The following RBX1 variants were observed in gnomAD, a reference collection of about 807,000 sequenced individuals.
RBX1 encodes ring-box 1.
For synonymous variants in RBX1, 48 were observed against 47.9 expected (o/e 1.00, Z -0.01); for missense variants, 46 against 141.4 (o/e 0.33, Z 3.42).
chr22:40,959,855 G>C (rs757349084), intron 2 of RBX1, among the ~76,000 whole-genome samples: 8 of 152,090 alleles, frequency 5.3e-5, no homozygotes, highest in Non-Finnish European at 1.0e-4. Context: ...AGTGGCTCAC[G>C]CCTGTAATCT....
intron 4 of RBX1, among the ~76,000 whole-genome samples, chr22:40,971,608 T>C (rs1389430595): frequency 2.6e-5 from 4 of 152,154 alleles, no homozygotes; most frequent in Non-Finnish European, 5.9e-5. Flanking sequence ...TAGGCTGGAG[T>C]GCAGTGGTTG....
At chr22:40,957,161 C>T (rs1397537690) in intron 2 of RBX1, among the ~76,000 whole-genome samples, 1 of 151,658 alleles carries the variant, frequency 6.6e-6, no homozygotes, top group Non-Finnish European at 1.5e-5. Context: ...TCCTGGCCAA[C>T]ACAGTGAAAC....
At chr22:40,972,426 A>T in intron 4 of RBX1, 50 bp from the exon 5 acceptor site, 1 of 1,528,558 alleles carries the variant, frequency 6.5e-7, no homozygotes, top group East Asian at 2.3e-5. Flanking sequence ...TTATGTCTCA[A>T]ACAGGAAATT....
At chr22:40,968,085 CTT>C (rs938566744) in intron 4 of RBX1, among the ~76,000 whole-genome samples, 42 of 111,222 alleles carry the variant, frequency 3.8e-4, no homozygotes, top group African/African-American at 1.3e-3. Context: ...GTTTCCCAAC[CTT>C]TTTTTTTTTT....
intron 4 of RBX1, among the ~76,000 whole-genome samples, chr22:40,972,105 G>T (rs774737198): frequency 6.6e-6 from 1 of 152,196 alleles, no homozygotes; most frequent in East Asian, 1.9e-4. Context: ...AGGGCAGCCC[G>T]AAAGTTCAAA....
chr22:40,961,544 G>C (rs923567798), intron 2 of RBX1, among the ~76,000 whole-genome samples: 1 of 151,778 alleles, frequency 6.6e-6, no homozygotes, highest in Admixed American at 6.6e-5. Context: ...CTCCTGAGTA[G>C]CTGGGACTAC....
Position 40,958,601 on chromosome 22 carries a change from G to T in RBX1, c.157+4968G>T, listed in dbSNP as rs115175577. Among the ~76,000 whole-genome samples, 1,078 of 152,058 alleles carry T rather than the reference G, an allele frequency of 7.1e-3. 12 individuals carry two copies. The highest frequency in any genetic ancestry group is 0.025 in the African/African-American group (1,030 of 41,444). On this transcript the variant is annotated intron_variant, in intron 2 of 4. Coordinates refer to ENST00000216225, the MANE Select transcript of RBX1 (RefSeq NM_014248.4). ...CTTTGTATTTATTTTATTTTACACT[G>T]TCTCCTTCCTTGGTTGTATTAAGGA...
intron 3 of RBX1, among the ~76,000 whole-genome samples, chr22:40,965,566 G>A (rs760676830): frequency 6.6e-6 from 1 of 151,824 alleles, no homozygotes; most frequent in Non-Finnish European, 1.5e-5. Flanking sequence ...TCAGCCTTCC[G>A]AGTAGCTGGG....
In RBX1 at chr22:40,972,725, A is replaced by G. The variant is rs1004664488; in HGVS notation, c.*237A>G. The G allele has an allele frequency of 4.2e-6, 2 of 471,488 alleles. No individual in the cohort carries two copies. Among genetic ancestry groups the G allele is most frequent in the African/African-American group, 2.0e-5 (1 of 51,072 alleles). The allele number at this position is 471,488 out of a possible 1,614,324, so 29.2% of individuals were successfully genotyped here. ...CATAAATGAAGAGTCTCCCCTTCCA[A>G]GGCTGAAAACTCAGCTTTTGAAAGT... On this transcript the variant is annotated 3_prime_UTR_variant, in exon 5 of 5. Transcript: ENST00000216225.
At chr22:40,959,869 C>T (rs1875154499) in intron 2 of RBX1, among the ~76,000 whole-genome samples, 1 of 152,090 alleles carries the variant, frequency 6.6e-6, no homozygotes, top group Non-Finnish European at 1.5e-5. Flanking sequence ...GTAATCTCAG[C>T]ACCATGGGAG....
At chr22:40,951,501 C>T in intron 1 of RBX1, 25 bp downstream of exon 1, 1 of 1,608,270 alleles carries the variant, frequency 6.2e-7, no homozygotes. Context: ...GCGCCTTCCT[C>T]AGGGAAGCTA....
chr22:40,955,490 T>C (rs1027729388), intron 2 of RBX1, among the ~76,000 whole-genome samples: 14 of 151,828 alleles, frequency 9.2e-5, no homozygotes, highest in Non-Finnish European at 2.9e-5. Context: ...GTCAAAATAG[T>C]TTTACTTCAA....
chr22:40,961,653 C>T (rs939395723), intron 2 of RBX1, among the ~76,000 whole-genome samples: 2 of 152,134 alleles, frequency 1.3e-5, no homozygotes, highest in African/African-American at 4.8e-5. Flanking sequence ...ACCCACCCGC[C>T]TCAGCCTCCC....
Position 40,973,192 on chromosome 22 carries a change from G to T in RBX1, c.*704G>T, listed in dbSNP as rs188213273. On this transcript the variant is annotated 3_prime_UTR_variant, in exon 5 of 5. Coordinates refer to ENST00000216225, the MANE Select transcript of RBX1 (RefSeq NM_014248.4). ...GAAGACGATTTTTCCATGGACCGGG[G>T]GTGGGGCGGGGGTGTGCTTGGGGAT... The T allele has an allele frequency of 6.6e-5, 10 of 152,362 alleles. No homozygotes were observed. The highest frequency in any genetic ancestry group is 2.4e-4 in the African/African-American group (10 of 41,434). The allele number at this position is 152,362 out of a possible 1,614,324, so 9.4% of individuals were successfully genotyped here. A position where few individuals can be genotyped will look rare whatever the true frequency, so the allele number is the denominator to read the frequency against.
At position 40,964,099 on chromosome 22, in the gene RBX1, C is replaced by G. The variant is rs142549819; in HGVS notation, c.210C>G (p.Val70=). Reference sequence around the variant, plus strand: ...CCGCTACTTCAGAAGAGTGTACTGTCGCATGGGGAGTCTGTAACGTAAGGA... The same window carrying G: ...CCGCTACTTCAGAAGAGTGTACTGTGGCATGGGGAGTCTGTAACGTAAGGA... ...QASATSEECT[V]AWGVCNHAFH... is the part of the protein sequence containing the mutation. Residue 70 remains valine (V), a synonymous_variant, in exon 3 of 5, where the codon GTC becomes GTG. Transcript: ENST00000216225. 6.2e-6 allele frequency: 10 copies of G among 1,613,540 alleles called. No individual in the cohort carries two copies. Among genetic ancestry groups the G allele is most frequent in the South Asian group, 4.4e-5 (4 of 91,060 alleles).
chr22:40,963,952 T>C (rs1820017308), intron 2 of RBX1, 95 bp from the exon 3 acceptor site: 4 of 863,552 alleles, frequency 4.6e-6, no homozygotes, highest in Non-Finnish European at 7.9e-6. Flanking sequence ...AAAACAATTA[T>C]GGCTAATTAA....
intron 2 of RBX1, among the ~76,000 whole-genome samples, chr22:40,961,615 AG>A (rs1175799086): frequency 1.3e-5 from 2 of 151,804 alleles, no homozygotes; most frequent in African/African-American, 4.8e-5. Context: ...CATGTTAGCC[AG>A]GATGGGCTCG....
Position 40,972,489 on chromosome 22 carries a change from GAA to G in RBX1, c.*4_*5del, listed in dbSNP as rs753928407. On this transcript the variant is annotated 3_prime_UTR_variant, in exon 5 of 5. Transcript: ENST00000216225. ...TTTGTCTTTCAGGTATGGGCACTAG[GAA>G]AAGACTTCTTCCATCAAGCTTAATT... The G allele has an allele frequency of 1.1e-4, 179 of 1,603,044 alleles. No individual in the cohort carries two copies. In the African/African-American group the frequency reaches 2.3e-3, roughly 21 times the overall value.
At chr22:40,954,442 C>T (rs1217497606) in intron 2 of RBX1, among the ~76,000 whole-genome samples, 1 of 152,096 alleles carries the variant, frequency 6.6e-6, no homozygotes, top group East Asian at 1.9e-4. Flanking sequence ...ATTTAAATCT[C>T]CACATATTTT....
Sources: allele counts gnomAD v4.1 joint callset (sites outside exome capture counted in the v4.1 genomes callset), GRCh38; gene constraint gnomAD v4.1.1; transcripts MANE v1.5; gene names NCBI Gene and HGNC (gene_info 2026-07-23, HGNC 2026-07-21).